IL1RAPL2: variants seen among roughly 807,000 people sequenced by gnomAD.
IL1RAPL2 encodes X-linked interleukin-1 receptor accessory protein-like 2.
IL1RAPL2 carries 3 observed loss-of-function variants against 44.1 expected under a neutral mutation model. The ratio of observed to expected loss-of-function variants is 0.07; its 90% CI spans 0.03 to 0.18. The LOEUF (loss-of-function observed/expected upper bound fraction) is 0.18, where lower values mean the gene tolerates loss of function less well. IL1RAPL2 is among the 10% of genes least tolerant of loss of function. The probability of loss-of-function intolerance (pLI) is 1.00; values close to 1 mark genes in which losing one functional copy is unlikely to be tolerated. For missense variants in IL1RAPL2, 391 were observed against 496.4 expected, an observed-to-expected ratio of 0.79 and a Z score of 2.02; for synonymous variants, 181 against 178.8, an observed-to-expected ratio of 1.01 and a Z score of -0.10.
intron 2 of IL1RAPL2, among the ~76,000 whole-genome samples, chrX:104,747,404 A>G (rs1932192102): frequency 9.0e-6 from 1 of 111,436 alleles, no homozygotes; most frequent in African/African-American, 3.3e-5. Context: ...CAACCAGAAC[A>G]TATTTGCTTC....
At chrX:104,647,872 A>G (rs5917115) in intron 1 of IL1RAPL2, 31,896 of 623,210 alleles carry the variant, frequency 0.051, 744 homozygotes, top group Non-Finnish European at 0.062. Flanking sequence ...CCTGTACTCC[A>G]CAGAATCGGT....
chrX:105,766,183 A>G (rs1434606933), intron 10 of IL1RAPL2, among the ~76,000 whole-genome samples: 1 of 111,213 alleles, frequency 9.0e-6, no homozygotes, highest in Non-Finnish European at 1.9e-5. Context: ...TAGGGCAAAT[A>G]CTTTCTTTTC....
intron 2 of IL1RAPL2, among the ~76,000 whole-genome samples, chrX:104,662,007 T>C: frequency 8.9e-6 from 1 of 112,433 alleles, no homozygotes; most frequent in African/African-American, 3.2e-5. Context: ...CTACAACTGC[T>C]GTTGCTAATG....
chrX:105,585,345 G>A (rs1410444836), intron 6 of IL1RAPL2, among the ~76,000 whole-genome samples: 1 of 109,354 alleles, frequency 9.1e-6, no homozygotes, highest in Non-Finnish European at 1.9e-5. Context: ...GTTGAGGGAT[G>A]CAGTTTTTTT....
intron 4 of IL1RAPL2, among the ~76,000 whole-genome samples, chrX:105,262,075 G>T (rs925276183): frequency 8.9e-6 from 1 of 112,084 alleles, no homozygotes; most frequent in African/African-American, 3.2e-5. Flanking sequence ...CATACCAGTT[G>T]CTGGCTCGTG....
chrX:104,871,626 C>T lies in IL1RAPL2; in HGVS notation c.82+212631C>T, dbSNP rs1922766293. 3.6e-5 allele frequency among the ~76,000 whole-genome samples: 4 copies of T among 110,553 alleles called. No homozygotes were observed. In the South Asian group the frequency reaches 1.5e-3, roughly 42 times the overall value. On this transcript the variant is annotated intron_variant, in intron 2 of 10. Coordinates refer to ENST00000372582, the MANE Select transcript of IL1RAPL2 (RefSeq NM_017416.2). ...TCATACCTTGTAGTAATGTAATGTA[C>T]CTAATTCTAAAATCCCCTGGGTAAG...
intron 2 of IL1RAPL2, among the ~76,000 whole-genome samples, chrX:105,187,282 A>G (rs2147608360): frequency 8.9e-6 from 1 of 112,238 alleles, no homozygotes. Context: ...TTTTATTTAA[A>G]CAATAGAGAT....
At chrX:104,610,284 T>C (rs914396772) in intron 1 of IL1RAPL2, among the ~76,000 whole-genome samples, 197 of 110,383 alleles carry the variant, frequency 1.8e-3, no homozygotes, top group Non-Finnish European at 2.8e-3. Context: ...CTGGCCAGGG[T>C]AATCAGGCAG....
chrX:105,115,076 G>A (rs1431424727), intron 2 of IL1RAPL2, among the ~76,000 whole-genome samples: 2 of 111,613 alleles, frequency 1.8e-5, no homozygotes, highest in Non-Finnish European at 3.8e-5. Context: ...GAATGAAGCT[G>A]CAGACCCCCG....
At chrX:105,265,286 T>C (rs1354399620) in intron 4 of IL1RAPL2, among the ~76,000 whole-genome samples, 1 of 112,219 alleles carries the variant, frequency 8.9e-6, no homozygotes, top group Non-Finnish European at 1.9e-5. Flanking sequence ...ATATTTTTGT[T>C]TAATGACCTT....
At chrX:105,526,963 A>G (rs1269360372) in intron 6 of IL1RAPL2, among the ~76,000 whole-genome samples, 1 of 111,774 alleles carries the variant, frequency 8.9e-6, no homozygotes, top group Admixed American at 9.6e-5. Context: ...GATTACCATA[A>G]TAACAATAAG....
At chrX:104,582,380 T>TG (rs1928365583) in intron 1 of IL1RAPL2, among the ~76,000 whole-genome samples, 1 of 112,090 alleles carries the variant, frequency 8.9e-6, no homozygotes, top group Non-Finnish European at 1.9e-5. Flanking sequence ...TGTGTTTGCA[T>TG]GAAAAAAAGA....
At chrX:105,449,538 C>G (rs904488450) in intron 5 of IL1RAPL2, among the ~76,000 whole-genome samples, 1 of 106,164 alleles carries the variant, frequency 9.4e-6, no homozygotes, top group Non-Finnish European at 1.9e-5. Context: ...GAGCCGAGAT[C>G]GCGCCACTGC....
At chrX:105,617,175 TCTC>T (rs1488710034) in intron 6 of IL1RAPL2, among the ~76,000 whole-genome samples, 2 of 111,272 alleles carry the variant, frequency 1.8e-5, no homozygotes, top group African/African-American at 3.3e-5. Flanking sequence ...CTTTCTAAAA[TCTC>T]CTCTCTTTTT....
At chrX:105,765,107 G>A (rs1368384752) in intron 10 of IL1RAPL2, 1 of 84,496 alleles carries the variant, frequency 1.2e-5, no homozygotes, top group Admixed American at 1.1e-4. Context: ...CTGGGTTTGG[G>A]TTTTGTTCTG....
At chrX:104,878,450 T>C (rs1922969869) in intron 2 of IL1RAPL2, among the ~76,000 whole-genome samples, 1 of 112,196 alleles carries the variant, frequency 8.9e-6, no homozygotes, top group African/African-American at 3.2e-5. Context: ...ATACAGAAAC[T>C]GAGGCACAGG....
intron 6 of IL1RAPL2, among the ~76,000 whole-genome samples, chrX:105,551,557 T>G (rs1048707885): frequency 9.0e-6 from 1 of 111,662 alleles, no homozygotes; most frequent in African/African-American, 3.3e-5. Context: ...ATATAAATTT[T>G]TATTAAATGT....
intron 5 of IL1RAPL2, among the ~76,000 whole-genome samples, chrX:105,421,281 C>T (rs930064762): frequency 4.5e-5 from 5 of 111,306 alleles, no homozygotes; most frequent in East Asian, 2.8e-4. Context: ...TGATTTTCCT[C>T]TCCAAATGAG....
chrX:105,579,591 T>C (rs1285631343), intron 6 of IL1RAPL2, among the ~76,000 whole-genome samples: 2 of 111,419 alleles, frequency 1.8e-5, no homozygotes, highest in African/African-American at 6.5e-5. Context: ...GACTTTATTA[T>C]GAGACAGATA....
Sources: allele counts gnomAD v4.1 joint callset (sites outside exome capture counted in the v4.1 genomes callset), GRCh38; gene constraint gnomAD v4.1.1; transcripts MANE v1.5; gene names NCBI Gene and HGNC (gene_info 2026-07-23, HGNC 2026-07-21).